Variants in ACTN3 observed in about 807,000 individuals in gnomAD.
The protein encoded by ACTN3 is alpha-actinin-3.
Under a neutral mutation model 119.6 loss-of-function variants are expected in ACTN3, and 91 were observed. The observed-to-expected ratio is 0.76, with a 90% CI of 0.64 to 0.91. The LOEUF (loss-of-function observed/expected upper bound fraction) is 0.91. Ranked by LOEUF, ACTN3 falls within the 40% of genes least tolerant of loss-of-function variation. ACTN3 has a pLI of 0.00. For synonymous variants in ACTN3, 456 were observed against 478.8 expected, an observed-to-expected ratio of 0.95 and a Z score of 0.62; for missense variants, 1,221 against 1,215.1, an observed-to-expected ratio of 1.00 and a Z score of -0.07.
At chr11:66,560,518 G>A (rs1455012809) in intron 14 of ACTN3, 55 bp from the exon 15 acceptor site, 15 of 1,561,752 alleles carry the variant, frequency 9.6e-6, no homozygotes, top group Admixed American at 3.5e-5. Flanking sequence ...TGCCCTTTCT[G>A]TTGCCTGTGG....
intron 1 of ACTN3, among the ~76,000 whole-genome samples, chr11:66,550,626 A>G (rs1366739546): frequency 6.6e-6 from 1 of 152,182 alleles, no homozygotes; most frequent in African/African-American, 2.4e-5. Flanking sequence ...GACAAGCCTG[A>G]GCAACATAGT....
rs2134938173 is a variant in ACTN3, at chr11:66,560,161, C to G, written c.1537-10C>G. The G allele has an allele frequency of 1.3e-6, 2 of 1,595,638 alleles. No homozygotes were observed. On this transcript the variant is annotated splice_polypyrimidine_tract_variant and intron_variant, in intron 13 of 20. Transcript: ENST00000513398. ...GCAGGCTTCTGACCCACTACGCCTC[C>G]CACCTCTAGCGGATGGAGAAGCTCC... is the stretch of plus-strand genomic sequence containing the variant.
At chr11:66,556,320 A>G in intron 8 of ACTN3, 90 bp downstream of exon 8, 1 of 1,290,704 alleles carries the variant, frequency 7.7e-7, no homozygotes, top group Non-Finnish European at 1.1e-6. Flanking sequence ...CAGACCACGG[A>G]GGTTGGAGTG....
chr11:66,556,082 A>G (rs1857583473), intron 7 of ACTN3, 63 bp from the exon 8 acceptor site: 3 of 1,459,602 alleles, frequency 2.1e-6, no homozygotes, highest in Non-Finnish European at 2.8e-6. Flanking sequence ...ACCCAGAGAG[A>G]GTTCTCTGCC....
chr11:66,551,797 C>T, intron 3 of ACTN3, 150 bp downstream of exon 3: 1 of 1,197,666 alleles, frequency 8.3e-7, no homozygotes, highest in Non-Finnish European at 1.2e-6. Flanking sequence ...GTATGCCAGC[C>T]AGGCACGGTG....
In ACTN3 at chr11:66,551,787, G is replaced by A. The variant is rs544993965; in HGVS notation, c.382+140G>A. The A allele has an allele frequency of 1.0e-5, 14 of 1,345,986 alleles. No homozygotes were observed. In the South Asian group the frequency reaches 1.9e-4, roughly 18 times the overall value. The allele number at this position is 1,345,986 out of a possible 1,614,324, so 83.4% of individuals were successfully genotyped here. A position where few individuals can be genotyped will look rare whatever the true frequency, so the allele number is the denominator to read the frequency against. ...TCGCAAGAGAGCCTGTAAAGAGCCAGTATGCCAGCCAGGCACGGTGGCTCA... is the reference window on the plus strand; with the variant it reads ...TCGCAAGAGAGCCTGTAAAGAGCCAATATGCCAGCCAGGCACGGTGGCTCA... On this transcript the variant is annotated intron_variant, in intron 3 of 20. Transcript: ENST00000513398.
chr11:66,556,662 C>T (rs1040399513), intron 8 of ACTN3, among the ~76,000 whole-genome samples: 3 of 152,182 alleles, frequency 2.0e-5, no homozygotes, highest in Non-Finnish European at 4.4e-5. Flanking sequence ...GTCTCGAACT[C>T]CTGGACTCAA....
chr11:66,561,282 A>C lies in ACTN3; in HGVS notation c.1916A>C (p.Gln639Pro), dbSNP rs1857754419. 2.5e-6 allele frequency: 4 copies of C among 1,606,702 alleles called. No homozygotes were observed. Among genetic ancestry groups the C allele is most frequent in the South Asian group, 2.2e-5 (2 of 89,710 alleles). The stretch of plus-strand genomic sequence containing the variant: ...ACACTGCAGGAGGAGCTGGCACGGC[A>C]GCAGGTAAACGAGAGGCTCCGGCGA... ...DQTLQEELAR[Q>P]QVNERLRRQF... The change falls in exon 16 of 21, where the codon CAG (glutamine) becomes CCG (proline). Residue 639 changes from glutamine (Q) to proline (P), a missense_variant. This residue lies in a region of ACTN3 where 934 missense variants were observed against 899.9 expected (regional missense o/e 1.04). Coordinates refer to ENST00000513398, the MANE Select transcript of ACTN3 (RefSeq NM_001104.4).
chr11:66,547,186 C>T, intron 1 of ACTN3, 102 bp downstream of exon 1: 1 of 1,320,558 alleles, frequency 7.6e-7, no homozygotes, highest in Non-Finnish European at 9.9e-7. Flanking sequence ...TGTCTTTAAC[C>T]TAGAGTGCTA....
In ACTN3 at chr11:66,553,726, C is replaced by T. The variant is rs376550230; in HGVS notation, c.383-319C>T. Among the ~76,000 whole-genome samples, 9 of 151,022 alleles carry T rather than the reference C, an allele frequency of 6.0e-5. No homozygotes were observed. The South Asian group carries it at 1.3e-3, about 21-fold the overall frequency. On this transcript the variant is annotated intron_variant, in intron 3 of 20. Coordinates refer to ENST00000513398, the MANE Select transcript of ACTN3 (RefSeq NM_001104.4). ...TCTACTAAAAATAAAAAAAATTAGC[C>T]GGGCGTGGTGGTGGGCGCCTGTAGT...
rs750663103 is a variant in ACTN3 at position 66,563,049 on chromosome 11, C to G, written c.2562C>G (p.Pro854=). ...CTTCTCCCCAGAACTACATCACCCC[C>G]GAGGAGCTGCGGCGCGAGCTCCCTG... ...ILAGDKNYIT[P]EELRRELPAK... The change falls in exon 21 of 21, where the codon CCC becomes CCG. Residue 854 remains proline (P), a synonymous_variant. Coordinates refer to ENST00000513398, the MANE Select transcript of ACTN3 (RefSeq NM_001104.4). The G allele has an allele frequency of 6.2e-7, 1 of 1,611,930 alleles. No homozygotes were observed. Among genetic ancestry groups the G allele is most frequent in the Admixed American group, 1.7e-5 (1 of 59,926 alleles).
chr11:66,561,123 G>T, intron 15 of ACTN3, 104 bp from the exon 16 acceptor site: 2 of 1,411,954 alleles, frequency 1.4e-6, no homozygotes, highest in South Asian at 1.5e-5. Context: ...AGACAAGTTG[G>T]CTCAAAGCAA....
chr11:66,556,282 C>T, intron 8 of ACTN3, 52 bp downstream of exon 8: 2 of 1,578,196 alleles, frequency 1.3e-6, no homozygotes, highest in East Asian at 2.2e-5. Context: ...AGGGCCCAAC[C>T]TTGGCTGTAG....
Position 66,555,225 on chromosome 11 carries a change from C to T in ACTN3, c.636+17C>T. On this transcript the variant is annotated intron_variant, in intron 6 of 20. Coordinates refer to ENST00000513398, the MANE Select transcript of ACTN3 (RefSeq NM_001104.4). The stretch of plus-strand genomic sequence containing the variant: ...CTGCGAAAGGTAGAGGCCCCCACCA[C>T]CCCAGCCCAAGGCCTCTGCCTGCAG... The T allele has an allele frequency of 6.2e-7, 1 of 1,613,988 alleles. No homozygotes were observed. The highest frequency in any genetic ancestry group is 8.5e-7 in the Non-Finnish European group (1 of 1,179,892).
In ACTN3 at chr11:66,559,821, C is replaced by G. The variant is rs1244832492; in HGVS notation, c.1428-147C>G. 5 of 812,634 alleles carry G rather than the reference C, an allele frequency of 6.2e-6. No individual in the cohort carries two copies. In the African/African-American group the frequency reaches 6.8e-5, roughly 11 times the overall value. 50.3% of individuals were successfully genotyped at this position (812,634 alleles called of 1,614,324 possible). ...AGAGGGATGCGCTGGTACCGCCCCT[C>G]TTGGAAAGCACCCAGCTTTACCCAC... On this transcript the variant is annotated intron_variant, in intron 12 of 20. Coordinates refer to ENST00000513398, the MANE Select transcript of ACTN3 (RefSeq NM_001104.4).
At chr11:66,552,874 TCTCTCTCACA>T (rs1565304379) in intron 3 of ACTN3, among the ~76,000 whole-genome samples, 4 of 74,620 alleles carry the variant, frequency 5.4e-5, no homozygotes, top group African/African-American at 2.8e-4. Context: ...TCTCTCTCTC[TCTCTCTCACA>T]CACACACACA....
chr11:66,549,203 C>T lies in ACTN3; in HGVS notation c.148-2036C>T, dbSNP rs577278084. Among the ~76,000 whole-genome samples, 6 of 152,324 alleles carry T rather than the reference C, an allele frequency of 3.9e-5. No individual in the cohort carries two copies. The South Asian group carries it at 8.3e-4, about 21-fold the overall frequency. On this transcript the variant is annotated intron_variant, in intron 1 of 20. Coordinates refer to ENST00000513398, the MANE Select transcript of ACTN3 (RefSeq NM_001104.4). Reference sequence around the variant, plus strand: ...TGTAGCAAGTGTTTCTCACAGCCACCGAGCACTTGCCTGCATGGCAGCCCC... The same window carrying T: ...TGTAGCAAGTGTTTCTCACAGCCACTGAGCACTTGCCTGCATGGCAGCCCC...
At chr11:66,547,815 G>T (rs1857391737) in intron 1 of ACTN3, among the ~76,000 whole-genome samples, 1 of 152,144 alleles carries the variant, frequency 6.6e-6, no homozygotes, top group South Asian at 2.1e-4. Context: ...TGCTGAGGCA[G>T]CACCTCGGGG....
In ACTN3 at chr11:66,555,289, G is replaced by A; in HGVS notation, c.640G>A (p.Asp214Asn). The A allele has an allele frequency of 3.1e-6, 5 of 1,614,008 alleles. No homozygotes were observed. Among genetic ancestry groups the A allele is most frequent in the Non-Finnish European group, 4.2e-6 (5 of 1,179,932 alleles). ...CTCCTCCCTTACACCCTTCTAGGAT[G>A]ACCCCATCGGAAACCTGAACACTGC... is the stretch of plus-strand genomic sequence containing the variant. The part of the protein sequence containing the change: ...LIDYAKLRKD[D>N]PIGNLNTAFE... Residue 214 changes from aspartate (D) to asparagine (N), a missense_variant, in exon 7 of 21, where the codon GAC becomes AAC. This residue lies in a region of ACTN3 where 48 missense variants were observed against 83.4 expected (regional missense o/e 0.58). Coordinates refer to ENST00000513398, the MANE Select transcript of ACTN3 (RefSeq NM_001104.4).
Sources: gnomAD v4.1 joint callset for allele counts (sites outside exome capture counted in the v4.1 genomes callset) on GRCh38, gnomAD v4.1.1 for gene constraint, gnomAD v4.1.1 regional missense constraint, MANE v1.5 for transcripts, NCBI Gene and HGNC (gene_info 2026-07-23, HGNC 2026-07-21) for gene names.